ANO4: variants seen among roughly 807,000 people sequenced by gnomAD.
ANO4 encodes anoctamin-4.
In ANO4, 69 loss-of-function variants were observed where a neutral mutation model predicts 141.9. The ratio of observed to expected loss-of-function variants is 0.49; its 90% CI spans 0.40 to 0.59. The LOEUF (loss-of-function observed/expected upper bound fraction) is 0.59. ANO4 is among the 20% of genes least tolerant of loss of function. ANO4 has a pLI of 0.00. For synonymous variants in ANO4, 350 were observed against 394.3 expected, an observed-to-expected ratio of 0.89 and a Z score of 1.33; for missense variants, 894 against 1,162.2, an observed-to-expected ratio of 0.77 and a Z score of 3.36.
intron 1 of ANO4, among the ~76,000 whole-genome samples, chr12:100,826,722 T>C (rs2036364066): frequency 6.6e-6 from 1 of 152,048 alleles, no homozygotes; most frequent in Admixed American, 6.6e-5. Flanking sequence ...AGTGGAGATC[T>C]CCAAACTTAA....
chr12:100,962,443 A>G (rs1186694226), intron 5 of ANO4, among the ~76,000 whole-genome samples: 1 of 152,156 alleles, frequency 6.6e-6, no homozygotes, highest in East Asian at 1.9e-4. Context: ...AGATTACTTC[A>G]AACTTCAAGG....
At chr12:100,985,249 G>A (rs910496600) in intron 7 of ANO4, among the ~76,000 whole-genome samples, 1 of 152,202 alleles carries the variant, frequency 6.6e-6, no homozygotes, top group South Asian at 2.1e-4. Flanking sequence ...AGTGATAGAT[G>A]CTGGTGAAAC....
At chr12:100,815,190 C>T (rs1244424932) in intron 1 of ANO4, among the ~76,000 whole-genome samples, 1 of 152,042 alleles carries the variant, frequency 6.6e-6, no homozygotes, top group Admixed American at 6.6e-5. Context: ...GAACCATTTG[C>T]CATTTGACCA....
chr12:100,941,612 CTT>C (rs1162893511), intron 4 of ANO4, among the ~76,000 whole-genome samples: 5 of 152,110 alleles, frequency 3.3e-5, no homozygotes, highest in African/African-American at 1.2e-4. Flanking sequence ...TTGACTCCAA[CTT>C]TAAACATTTT....
intron 17 of ANO4, among the ~76,000 whole-genome samples, chr12:101,088,792 A>T (rs1334721654): frequency 6.7e-6 from 1 of 148,436 alleles, no homozygotes; most frequent in African/African-American, 2.4e-5. Flanking sequence ...GGAGGCTGAG[A>T]TAGGGGGATC....
intron 1 of ANO4, among the ~76,000 whole-genome samples, chr12:100,855,600 C>T (rs2038123981): frequency 6.6e-6 from 1 of 152,042 alleles, no homozygotes; most frequent in Non-Finnish European, 1.5e-5. Context: ...TTCTGTTTTT[C>T]CTTGTTTATA....
chr12:101,043,425 C>G (rs956315176), intron 12 of ANO4, 114 bp from the exon 13 acceptor site: 1 of 718,744 alleles, frequency 1.4e-6, no homozygotes, highest in African/African-American at 1.8e-5. Context: ...TAAGATGCTT[C>G]TAAGGGCAAA....
chr12:100,757,150 G>C (rs1240158380), intron 3 of ANO4, among the ~76,000 whole-genome samples: 1 of 152,130 alleles, frequency 6.6e-6, no homozygotes, highest in Non-Finnish European at 1.5e-5. Context: ...AGTTGCCCAA[G>C]ACAGAATCAT....
At chr12:100,916,105 T>G (rs887507631) in intron 2 of ANO4, among the ~76,000 whole-genome samples, 1 of 152,048 alleles carries the variant, frequency 6.6e-6, no homozygotes, top group African/African-American at 2.4e-5. Flanking sequence ...TATATAAAAT[T>G]GGAAAATCAT....
intron 8 of ANO4, among the ~76,000 whole-genome samples, chr12:100,990,477 A>G (rs1461161702): frequency 3.3e-5 from 5 of 152,174 alleles, no homozygotes; most frequent in Admixed American, 3.3e-4. Flanking sequence ...GATTAGGGAT[A>G]TTTAGCCAAC....
At chr12:100,986,870 G>A (rs1235044733) in intron 7 of ANO4, among the ~76,000 whole-genome samples, 1 of 152,198 alleles carries the variant, frequency 6.6e-6, no homozygotes, top group Non-Finnish European at 1.5e-5. Flanking sequence ...AACTGTAGCT[G>A]AAAACCACTT....
intron 7 of ANO4, among the ~76,000 whole-genome samples, chr12:100,977,310 A>T (rs1414031510): frequency 2.6e-5 from 4 of 151,988 alleles, no homozygotes. Flanking sequence ...AACTGTTCTG[A>T]GTTTATCTGC....
chr12:101,036,234 T>TG (rs545647229), intron 9 of ANO4, among the ~76,000 whole-genome samples: 198 of 152,246 alleles, frequency 1.3e-3, no homozygotes, highest in African/African-American at 4.3e-3. Context: ...AGGAAACACT[T>TG]GTGCGCTGTT....
In ANO4 at chr12:100,880,525, G is replaced by A. The variant is rs1035416271; in HGVS notation, c.-140-21121G>A. On this transcript the variant is annotated intron_variant, in intron 1 of 27. Coordinates refer to ENST00000392977, the MANE Select transcript of ANO4 (RefSeq NM_001286615.2). ...CTTAATCACTATATTATATTACAACGCAGAAAATATAGTGTTGTAATGCTC... is the reference window on the plus strand; with the variant it reads ...CTTAATCACTATATTATATTACAACACAGAAAATATAGTGTTGTAATGCTC... 5.3e-5 allele frequency among the ~76,000 whole-genome samples: 8 copies of A among 152,230 alleles called. No individual in the cohort carries two copies. In the East Asian group the frequency reaches 9.7e-4, roughly 18 times the overall value.
chr12:100,840,123 A>AAAT (rs3058372), intron 1 of ANO4, among the ~76,000 whole-genome samples: 120,259 of 149,746 alleles, frequency 0.8, 48,329 homozygotes, highest in Admixed American at 0.86. Context: ...CTTAAACCAA[A>AAAT]AATAATAATA....
chr12:100,962,660 T>G (rs1398626806), intron 5 of ANO4, among the ~76,000 whole-genome samples: 1 of 152,246 alleles, frequency 6.6e-6, no homozygotes, highest in African/African-American at 2.4e-5. Context: ...GTCTTCATTT[T>G]CTTGTTGGCC....
rs763949654 is a variant in ANO4 at position 100,806,524 on chromosome 12, G to GTTTTTTT, written c.-141+11527_-141+11533dup. 4.5e-4 allele frequency among the ~76,000 whole-genome samples: 27 copies of GTTTTTTT among 59,874 alleles called. 4 individuals are homozygous for GTTTTTTT. Among genetic ancestry groups the GTTTTTTT allele is most frequent in the South Asian group, 1.4e-3 (2 of 1,382 alleles). The allele number at this position is 59,874 out of a possible 152,430, so 39.3% of individuals were successfully genotyped here. On this transcript the variant is annotated intron_variant, in intron 1 of 27. Transcript: ENST00000392977. ...TTTTAGGAGGTTTTTTTTTTGTTTC[G>GTTTTTTT]TTTTTTTTTTTTTTTTTTTTTTTTT...
At chr12:100,822,552 G>A (rs2036111820) in intron 1 of ANO4, among the ~76,000 whole-genome samples, 4 of 152,096 alleles carry the variant, frequency 2.6e-5, no homozygotes, top group South Asian at 2.1e-4. Context: ...CACGCACAGG[G>A]CGAGACAGAA....
At chr12:101,101,541 C>G (rs754657820) in intron 22 of ANO4, among the ~76,000 whole-genome samples, 2 of 152,030 alleles carry the variant, frequency 1.3e-5, no homozygotes, top group Admixed American at 6.6e-5. Context: ...CCCCTGCTGC[C>G]CTGACACAGC....
Sources: allele counts gnomAD v4.1 joint callset (sites outside exome capture counted in the v4.1 genomes callset), GRCh38; gene constraint gnomAD v4.1.1; transcripts MANE v1.5; gene names NCBI Gene and HGNC (gene_info 2026-07-23, HGNC 2026-07-21).